AKT3: variants seen among roughly 807,000 people sequenced by gnomAD.
The protein encoded by AKT3 is RAC-gamma serine/threonine-protein kinase.
AKT3 carries 15 observed loss-of-function variants against 65.3 expected under a neutral mutation model. The ratio of observed to expected loss-of-function variants is 0.23; its 90% CI spans 0.15 to 0.35. The LOEUF (loss-of-function observed/expected upper bound fraction) is 0.35, where lower values mean the gene tolerates loss of function less well. AKT3 is among the 10% of genes least tolerant of loss of function. The probability of loss-of-function intolerance (pLI) is 1.00; values close to 1 mark genes in which losing one functional copy is unlikely to be tolerated. For synonymous variants in AKT3, 206 were observed against 183.8 expected (o/e 1.12, Z -0.98); for missense variants, 243 against 576.5 (o/e 0.42, Z 5.92).
intron 2 of AKT3, among the ~76,000 whole-genome samples, chr1:243,803,836 G>A (rs1316446128): frequency 3.3e-5 from 5 of 152,144 alleles, no homozygotes; most frequent in African/African-American, 1.2e-4. Context: ...CCTGGCTACC[G>A]TGATACATTA....
At chr1:243,669,563 T>C (rs1310114451) in intron 3 of AKT3, among the ~76,000 whole-genome samples, 2 of 152,206 alleles carry the variant, frequency 1.3e-5, no homozygotes, top group Admixed American at 6.5e-5. Context: ...GTACTTTATA[T>C]CTAAGCCCTC....
intron 3 of AKT3, among the ~76,000 whole-genome samples, chr1:243,693,392 C>A (rs1684852375): frequency 6.7e-6 from 1 of 150,038 alleles, no homozygotes; most frequent in Non-Finnish European, 1.5e-5. Context: ...GGTGAAGTAA[C>A]CCTCTCTTGC....
intron 3 of AKT3, among the ~76,000 whole-genome samples, chr1:243,675,936 G>A (rs1683479825): frequency 6.6e-6 from 1 of 151,962 alleles, no homozygotes. Flanking sequence ...AGTAAATCTA[G>A]ACATTAATTA....
At chr1:243,832,512 T>A (rs2148452325) in intron 2 of AKT3, among the ~76,000 whole-genome samples, 1 of 152,270 alleles carries the variant, frequency 6.6e-6, no homozygotes, top group African/African-American at 2.4e-5. Context: ...TATATAAAAT[T>A]ATAAACTCTG....
intron 13 of AKT3, among the ~76,000 whole-genome samples, chr1:243,488,788 A>G (rs576433356): frequency 6.6e-6 from 1 of 152,066 alleles, no homozygotes; most frequent in Non-Finnish European, 1.5e-5. Flanking sequence ...TCTAATTGAT[A>G]GTGTACTGAG....
intron 3 of AKT3, among the ~76,000 whole-genome samples, chr1:243,693,029 G>GA (rs1173005067): frequency 4.0e-5 from 6 of 151,054 alleles, no homozygotes; most frequent in Non-Finnish European, 1.5e-5. Context: ...CTATCTTTTT[G>GA]AAAAATTTAA....
chr1:243,654,771 T>A (rs1681635395), intron 4 of AKT3, among the ~76,000 whole-genome samples: 1 of 152,190 alleles, frequency 6.6e-6, no homozygotes, highest in South Asian at 2.1e-4. Flanking sequence ...CAATTATATT[T>A]CATTATTATT....
At chr1:243,680,132 T>G (rs1683814369) in intron 3 of AKT3, among the ~76,000 whole-genome samples, 1 of 152,188 alleles carries the variant, frequency 6.6e-6, no homozygotes. Flanking sequence ...AGTGCCATTT[T>G]AAAACATTAA....
At chr1:243,652,771 C>CAAAAAAAAAAAAA (rs371580711) in intron 4 of AKT3, among the ~76,000 whole-genome samples, 119 of 31,208 alleles carry the variant, frequency 3.8e-3, no homozygotes, top group Admixed American at 5.7e-3. Flanking sequence ...AAATAGAAAG[C>CAAAAAAAAAAAAA]AAAAAAAAAA....
intron 12 of AKT3, among the ~76,000 whole-genome samples, chr1:243,518,488 A>G (rs1039012077): frequency 6.6e-6 from 1 of 152,108 alleles, no homozygotes; most frequent in Non-Finnish European, 1.5e-5. Flanking sequence ...AGTTGGGTGT[A>G]GTGGCACATG....
intron 4 of AKT3, among the ~76,000 whole-genome samples, chr1:243,659,694 A>G (rs543455245): frequency 1.8e-4 from 28 of 152,202 alleles, no homozygotes; most frequent in Non-Finnish European, 3.8e-4. Flanking sequence ...TGAGAAAAAA[A>G]TAGAGTCCAC....
At position 243,564,966 on chromosome 1, in the gene AKT3, C is replaced by T. The variant is rs148120887; in HGVS notation, c.820-1118G>A. Among the ~76,000 whole-genome samples the T allele has an allele frequency of 9.2e-5, 14 of 152,198 alleles. No homozygotes were observed. In the South Asian group the frequency reaches 1.0e-3, roughly 11 times the overall value. On this transcript the variant is annotated intron_variant, in intron 9 of 13. Coordinates refer to ENST00000673466, the MANE Select transcript of AKT3 (RefSeq NM_005465.7). ...CACTTTAGAACATAAACATATCAGT[C>T]ATATAAAATATGTTATTATACTCTC...
rs73128258 is a variant in AKT3, at chr1:243,713,368, C to T, written c.47-17652G>A. ...AGTATTAAACCCCTAAACTAATTAA[C>T]GAAATAAGGGAGGGGGGATGCAGGA... is the stretch of plus-strand genomic sequence containing the variant. On this transcript the variant is annotated intron_variant, in intron 2 of 13. Coordinates refer to ENST00000673466, the MANE Select transcript of AKT3 (RefSeq NM_005465.7). Among the ~76,000 whole-genome samples, 602 of 152,182 alleles carry T rather than the reference C, an allele frequency of 4.0e-3. 3 individuals are homozygous for T. The highest frequency in any genetic ancestry group is 0.014 in the African/African-American group (564 of 41,530).
intron 5 of AKT3, 108 bp downstream of exon 5, chr1:243,645,785 T>C (rs1372839759): frequency 8.9e-7 from 1 of 1,125,360 alleles, no homozygotes; most frequent in African/African-American, 1.6e-5. Context: ...ACCAATATAT[T>C]TACATATCGT....
intron 9 of AKT3, among the ~76,000 whole-genome samples, chr1:243,566,228 T>A (rs1217694363): frequency 6.6e-6 from 1 of 152,292 alleles, no homozygotes. Flanking sequence ...CTGACTTGCA[T>A]CTAATTCTGT....
intron 10 of AKT3, among the ~76,000 whole-genome samples, chr1:243,562,456 A>G (rs1316067043): frequency 4.6e-5 from 7 of 152,200 alleles, no homozygotes; most frequent in African/African-American, 1.4e-4. Context: ...TAAAAGAGTA[A>G]GTTTTATGGC....
chr1:243,541,850 G>A (rs879609584), intron 12 of AKT3, among the ~76,000 whole-genome samples: 4 of 152,156 alleles, frequency 2.6e-5, no homozygotes, highest in Non-Finnish European at 5.9e-5. Context: ...CAAGCCTGCA[G>A]GAGAAAAGGT....
At chr1:243,536,575 C>G (rs775177200) in intron 12 of AKT3, among the ~76,000 whole-genome samples, 1 of 152,094 alleles carries the variant, frequency 6.6e-6, no homozygotes, top group South Asian at 2.1e-4. Flanking sequence ...GATGATTAAG[C>G]TTTTCCTCAT....
At chr1:243,665,640 C>T (rs1406292213) in intron 3 of AKT3, among the ~76,000 whole-genome samples, 1 of 152,120 alleles carries the variant, frequency 6.6e-6, no homozygotes, top group African/African-American at 2.4e-5. Flanking sequence ...ATTAATTAAA[C>T]TCGCTAGTCT....
Sources: allele counts gnomAD v4.1 joint callset (sites outside exome capture counted in the v4.1 genomes callset), GRCh38; gene constraint gnomAD v4.1.1; transcripts MANE v1.5; gene names NCBI Gene and HGNC (gene_info 2026-07-23, HGNC 2026-07-21).